TENM3: variants seen among roughly 807,000 people sequenced by gnomAD.
TENM3 encodes teneurin transmembrane protein 3.
TENM3 carries 63 observed loss-of-function variants against 255.1 expected under a neutral mutation model. The ratio of observed to expected loss-of-function variants is 0.25; its 90% CI spans 0.20 to 0.30. The LOEUF (loss-of-function observed/expected upper bound fraction) is 0.30. Among genes scored for constraint, TENM3 ranks in the 10% least tolerant of loss-of-function variants. The probability of loss-of-function intolerance (pLI) is 1.00; values close to 1 mark genes in which losing one functional copy is unlikely to be tolerated. For missense variants in TENM3, 2,929 were observed against 3,461.1 expected, an observed-to-expected ratio of 0.85 and a Z score of 3.86; for synonymous variants, 1,306 against 1,322.3, an observed-to-expected ratio of 0.99 and a Z score of 0.27.
At chr4:181,781,395 G>C in the TENM3 span, among the ~76,000 whole-genome samples, 1 of 152,138 alleles carries the variant, frequency 6.6e-6, no homozygotes, top group Non-Finnish European at 1.5e-5. Flanking sequence ...TTGTGAATGG[G>C]AATTCACTCA....
intron 5 of TENM3, among the ~76,000 whole-genome samples, chr4:182,638,521 C>A (rs1034082327): frequency 6.6e-6 from 1 of 152,148 alleles, no homozygotes; most frequent in Admixed American, 6.5e-5. Context: ...ATTGTACAGT[C>A]TATACAGTGA....
At chr4:181,928,754 A>G in the TENM3 span, among the ~76,000 whole-genome samples, 3 of 152,226 alleles carry the variant, frequency 2.0e-5, no homozygotes, top group Admixed American at 6.5e-5. Context: ...GAAATGAAGG[A>G]AAAAAATGTT....
chr4:181,818,221 G>A, the TENM3 span, among the ~76,000 whole-genome samples: 1 of 152,164 alleles, frequency 6.6e-6, no homozygotes, highest in Non-Finnish European at 1.5e-5. Flanking sequence ...TCTATTCTAG[G>A]TGTTACCATG....
the TENM3 span, among the ~76,000 whole-genome samples, chr4:181,577,942 C>T: frequency 1.3e-5 from 2 of 152,100 alleles, no homozygotes. Context: ...AGTTTTCCTC[C>T]AGTCTGTCAA....
At chr4:181,910,135 T>C in the TENM3 span, among the ~76,000 whole-genome samples, 2 of 152,210 alleles carry the variant, frequency 1.3e-5, no homozygotes, top group African/African-American at 4.8e-5. Flanking sequence ...AAGTTGGTCA[T>C]TTTATCAGTT....
At chr4:182,091,372 G>T in the TENM3 span, among the ~76,000 whole-genome samples, 1 of 152,332 alleles carries the variant, frequency 6.6e-6, no homozygotes, top group Non-Finnish European at 1.5e-5. Context: ...GGGATGCTGA[G>T]GTGACGTAAA....
At chr4:182,332,490 C>T (rs1300006665) in intron 2 of TENM3, among the ~76,000 whole-genome samples, 1 of 151,934 alleles carries the variant, frequency 6.6e-6, no homozygotes, top group Admixed American at 6.6e-5. Context: ...GTCAGGAGTT[C>T]GAGACCAGCC....
At chr4:182,566,172 T>C (rs1743773291) in intron 3 of TENM3, among the ~76,000 whole-genome samples, 1 of 152,302 alleles carries the variant, frequency 6.6e-6, no homozygotes, top group Admixed American at 6.5e-5. Context: ...TCATACAGGT[T>C]TGCTTTTGTC....
At chr4:181,946,216 G>C in the TENM3 span, among the ~76,000 whole-genome samples, 1 of 152,102 alleles carries the variant, frequency 6.6e-6, no homozygotes, top group Non-Finnish European at 1.5e-5. Flanking sequence ...AGCCACAAGT[G>C]ATATACATTT....
intron 2 of TENM3, among the ~76,000 whole-genome samples, chr4:182,343,068 G>GT (rs1181378073): frequency 6.6e-6 from 1 of 152,040 alleles, no homozygotes; most frequent in Non-Finnish European, 1.5e-5. Context: ...ACCCTCACTC[G>GT]TTTTTTAAAA....
chr4:182,781,731 A>C (rs1441917398), intron 24 of TENM3, among the ~76,000 whole-genome samples: 9 of 146,464 alleles, frequency 6.1e-5, no homozygotes, highest in South Asian at 2.3e-4. Flanking sequence ...ACAATTTCAG[A>C]TCCTGTTATT....
intron 3 of TENM3, among the ~76,000 whole-genome samples, chr4:182,587,260 A>G (rs755363080): frequency 3.3e-5 from 5 of 151,956 alleles, no homozygotes; most frequent in Non-Finnish European, 5.9e-5. Context: ...CCATGGCCCC[A>G]TTAATTTTCA....
chr4:181,531,307 A>C, the TENM3 span, among the ~76,000 whole-genome samples: 2 of 152,238 alleles, frequency 1.3e-5, no homozygotes, highest in African/African-American at 4.8e-5. Context: ...TGAGTGCAGG[A>C]GTGAACCCCA....
the TENM3 span, among the ~76,000 whole-genome samples, chr4:181,458,107 G>C: frequency 6.6e-6 from 1 of 151,806 alleles, no homozygotes; most frequent in Non-Finnish European, 1.5e-5. Flanking sequence ...GGTTTATAAA[G>C]GGAATAATAA....
At chr4:182,313,751 C>T (rs139287661) in intron 1 of TENM3, among the ~76,000 whole-genome samples, 1 of 152,200 alleles carries the variant, frequency 6.6e-6, no homozygotes, top group East Asian at 1.9e-4. Flanking sequence ...AGGAGAGTTT[C>T]CTCTTCACTC....
rs747105962 is a variant in TENM3, at chr4:182,714,244, C to G, written c.2368+11C>G. The G allele has an allele frequency of 1.7e-5, 27 of 1,563,684 alleles. No individual in the cohort carries two copies. Among genetic ancestry groups the G allele is most frequent in the Admixed American group, 3.6e-5 (2 of 56,086 alleles). ...AGGACAATGAAGGAGGTAAGAAATA[C>G]TGAGCATGAACACGAGTCTGTGCCA... On this transcript the variant is annotated intron_variant, in intron 13 of 27. Transcript: ENST00000511685.
Position 182,743,318 on chromosome 4 carries a change from G to A in TENM3, c.3528G>A (p.Val1176=), listed in dbSNP as rs1166432756. 6.2e-6 allele frequency: 10 copies of A among 1,614,032 alleles called. No homozygotes were observed. Among genetic ancestry groups the A allele is most frequent in the Non-Finnish European group, 8.5e-6 (10 of 1,179,880 alleles). The change falls in exon 19 of 28, where the codon GTG becomes GTA. Residue 1176 remains valine, a synonymous_variant. Coordinates refer to ENST00000511685, the MANE Select transcript of TENM3 (RefSeq NM_001080477.4). ...QADGNKLLAP[V]ALACGIDGSL... is the part of the protein sequence containing the mutation. ...ATGGTAACAAGTTACTGGCCCCAGT[G>A]GCGCTAGCTTGTGGGATCGATGGCA...
the TENM3 span, among the ~76,000 whole-genome samples, chr4:181,797,759 T>A: frequency 6.6e-6 from 1 of 152,270 alleles, no homozygotes; most frequent in Non-Finnish European, 1.5e-5. Flanking sequence ...AAATACGTTC[T>A]GTTATTGCCA....
intron 13 of TENM3, among the ~76,000 whole-genome samples, chr4:182,721,412 C>A (rs1466717794): frequency 6.6e-6 from 1 of 152,088 alleles, no homozygotes; most frequent in Non-Finnish European, 1.5e-5. Flanking sequence ...TACACATAGG[C>A]CCATCTCATT....
Sources: gnomAD v4.1 joint callset for allele counts (sites outside exome capture counted in the v4.1 genomes callset) on GRCh38, gnomAD v4.1.1 for gene constraint, MANE v1.5 for transcripts, NCBI Gene and HGNC (gene_info 2026-07-23, HGNC 2026-07-21) for gene names.